RBM20: variants seen among roughly 807,000 people sequenced by gnomAD.
RBM20 encodes RNA binding motif protein 20, also known as RNA-binding protein 20.
A neutral mutation model predicts 110.1 loss-of-function variants in RBM20; 51 were observed. That is an observed-to-expected ratio of 0.46 (90% CI 0.37 to 0.59). RBM20 has a LOEUF of 0.59. Ranked by LOEUF, RBM20 falls within the 20% of genes least tolerant of loss-of-function variation. The probability of loss-of-function intolerance (pLI) is 0.00; values close to 1 mark genes in which losing one functional copy is unlikely to be tolerated. For missense variants in RBM20, 1,512 were observed against 1,574.9 expected (o/e 0.96, Z 0.68); for synonymous variants, 589 against 618.2 (o/e 0.95, Z 0.70).
chr10:110,682,972 G>C (rs4918558), intron 1 of RBM20, among the ~76,000 whole-genome samples: 131,989 of 152,192 alleles, frequency 0.87, 60,369 homozygotes, highest in East Asian at 1. Flanking sequence ...TTCCTCGCTT[G>C]TTTATTTATC....
intron 1 of RBM20, among the ~76,000 whole-genome samples, chr10:110,676,702 C>T (rs781285462): frequency 2.6e-5 from 4 of 152,334 alleles, no homozygotes; most frequent in African/African-American, 4.8e-5. Flanking sequence ...TTCTGATTTG[C>T]AGTCTCCTTG....
intron 12 of RBM20, among the ~76,000 whole-genome samples, chr10:110,828,419 TGCTGCCTGGTA>T (rs909626055): frequency 1.1e-4 from 17 of 152,212 alleles, no homozygotes; most frequent in Non-Finnish European, 2.5e-4. Flanking sequence ...CTCCCCCTAG[TGCTGCCTGGTA>T]GCTGCCTGGT....
chr10:110,824,111 G>A (rs1021139397), intron 12 of RBM20, among the ~76,000 whole-genome samples: 5 of 152,210 alleles, frequency 3.3e-5, no homozygotes, highest in Non-Finnish European at 7.4e-5. Flanking sequence ...TCAGTCTCCC[G>A]TAATAGACCA....
chr10:110,718,156 A>G (rs756099213), intron 1 of RBM20, among the ~76,000 whole-genome samples: 4 of 152,256 alleles, frequency 2.6e-5, no homozygotes, highest in East Asian at 1.9e-4. Flanking sequence ...TCCCAAGGAC[A>G]GAAGCCAGCA....
At chr10:110,754,455 G>T (rs1417470267) in intron 1 of RBM20, among the ~76,000 whole-genome samples, 1 of 151,778 alleles carries the variant, frequency 6.6e-6, no homozygotes, top group Non-Finnish European at 1.5e-5. Context: ...TCCTCTTTTG[G>T]GACTCCAGTC....
In RBM20 at chr10:110,672,463, C is replaced by T. The variant is rs965995409; in HGVS notation, c.191+27818C>T. 2.6e-5 allele frequency among the ~76,000 whole-genome samples: 4 copies of T among 152,250 alleles called. 1 individual carries two copies. Among genetic ancestry groups the T allele is most frequent in the African/African-American group, 4.8e-5 (2 of 41,470 alleles). On this transcript the variant is annotated intron_variant, in intron 1 of 13. Coordinates refer to ENST00000369519, the MANE Select transcript of RBM20 (RefSeq NM_001134363.3). ...CGTCCCCGCTCTGCAGAGACCTTCT[C>T]TCCGGGCTGCTGCCGTCCTCCCTCG...
At chr10:110,719,747 A>G (rs1843482730) in intron 1 of RBM20, among the ~76,000 whole-genome samples, 1 of 151,992 alleles carries the variant, frequency 6.6e-6, no homozygotes, top group South Asian at 2.1e-4. Flanking sequence ...TTCATCCAGT[A>G]TTGTCATCTT....
intron 5 of RBM20, among the ~76,000 whole-genome samples, chr10:110,792,637 A>T (rs1254827279): frequency 6.6e-6 from 1 of 152,188 alleles, no homozygotes; most frequent in Non-Finnish European, 1.5e-5. Flanking sequence ...GGTGACTATA[A>T]AACACACACT....
intron 1 of RBM20, among the ~76,000 whole-genome samples, chr10:110,689,485 C>G (rs1040681506): frequency 6.6e-6 from 1 of 152,186 alleles, no homozygotes; most frequent in Non-Finnish European, 1.5e-5. Flanking sequence ...CTCTATTGGC[C>G]GGAGCTCAGG....
At chr10:110,801,688 C>A (rs1205791092) in intron 7 of RBM20, among the ~76,000 whole-genome samples, 2 of 145,974 alleles carry the variant, frequency 1.4e-5, no homozygotes, top group East Asian at 4.2e-4. Flanking sequence ...CACACACCAC[C>A]ATGCCTGGCT....
Position 110,644,774 on chromosome 10 carries a change from A to C in RBM20, c.191+129A>C. 1.5e-6 allele frequency: 1 copy of C among 668,746 alleles called. No individual in the cohort carries two copies. The highest frequency in any genetic ancestry group is 2.4e-6 in the Non-Finnish European group (1 of 425,220). The allele number at this position is 668,746 out of a possible 1,614,324, so 41.4% of individuals were successfully genotyped here. On this transcript the variant is annotated intron_variant, in intron 1 of 13. Coordinates refer to ENST00000369519, the MANE Select transcript of RBM20 (RefSeq NM_001134363.3). The surrounding 1 kb of genome is among the most constrained non-coding windows in gnomAD (Gnocchi z 4.3). Reference sequence around the variant, plus strand: ...CCCCTTGGGTTTGAAGTTTTCTCGTACCCCCTCTGGGCAGAGTCGGTGTCC... The same window carrying C: ...CCCCTTGGGTTTGAAGTTTTCTCGTCCCCCCTCTGGGCAGAGTCGGTGTCC...
intron 13 of RBM20, among the ~76,000 whole-genome samples, chr10:110,833,976 C>T (rs573767491): frequency 9.8e-5 from 15 of 152,316 alleles, no homozygotes; most frequent in Admixed American, 4.6e-4. Flanking sequence ...CTTAACACCA[C>T]TGAGAGGCCT....
At chr10:110,749,654 A>C (rs1843828116) in intron 1 of RBM20, among the ~76,000 whole-genome samples, 1 of 152,174 alleles carries the variant, frequency 6.6e-6, no homozygotes, top group African/African-American at 2.4e-5. Context: ...TCTAAAAAAG[A>C]ATAAAAGGGT....
intron 7 of RBM20, among the ~76,000 whole-genome samples, chr10:110,801,720 G>A (rs1035878958): frequency 1.8e-5 from 1 of 54,896 alleles, no homozygotes. Context: ...TTTTTTTTTT[G>A]TATTTTAATA....
intron 7 of RBM20, among the ~76,000 whole-genome samples, chr10:110,807,425 T>C (rs1311370696): frequency 6.6e-6 from 1 of 152,204 alleles, no homozygotes; most frequent in African/African-American, 2.4e-5. Context: ...CATGGGCCAC[T>C]AGAGGATGTT....
At chr10:110,768,569 C>A (rs1033924228) in intron 1 of RBM20, among the ~76,000 whole-genome samples, 1 of 152,174 alleles carries the variant, frequency 6.6e-6, no homozygotes, top group African/African-American at 2.4e-5. Flanking sequence ...ATGTCCTTCA[C>A]AAGGAAACAG....
chr10:110,829,100 T>C (rs922832942), intron 12 of RBM20, among the ~76,000 whole-genome samples: 4 of 152,206 alleles, frequency 2.6e-5, no homozygotes, highest in East Asian at 1.9e-4. Flanking sequence ...CTCCAGAGGC[T>C]GGGACGGGAC....
At chr10:110,697,048 G>GA (rs1862675307) in intron 1 of RBM20, among the ~76,000 whole-genome samples, 1 of 152,188 alleles carries the variant, frequency 6.6e-6, no homozygotes, top group East Asian at 1.9e-4. Context: ...ACTTCTTAAG[G>GA]AAAAAAACTT....
At chr10:110,735,014 C>T (rs1288239003) in intron 1 of RBM20, among the ~76,000 whole-genome samples, 2 of 152,194 alleles carry the variant, frequency 1.3e-5, no homozygotes, top group African/African-American at 2.4e-5. Context: ...GTATACACCA[C>T]CCATCCTAGC....
Sources: gnomAD v4.1 joint callset for allele counts (sites outside exome capture counted in the v4.1 genomes callset) on GRCh38, gnomAD v4.1.1 for gene constraint, Gnocchi (gnomAD v3.1) non-coding constraint, MANE v1.5 for transcripts, NCBI Gene and HGNC (gene_info 2026-07-23, HGNC 2026-07-21) for gene names.